The following EPHA3 variants were observed in gnomAD, a reference collection of about 807,000 sequenced individuals.
The protein encoded by EPHA3 is ephrin type-A receptor 3.
EPHA3 carries 42 observed loss-of-function variants against 107.1 expected under a neutral mutation model. That is an observed-to-expected ratio of 0.39 (90% CI 0.31 to 0.51). The LOEUF (loss-of-function observed/expected upper bound fraction) is 0.51, where lower values mean the gene tolerates loss of function less well. EPHA3 is among the 20% of genes least tolerant of loss of function. EPHA3 has a pLI of 0.78. For missense variants in EPHA3, 1,183 were observed against 1,211.2 expected (o/e 0.98, Z 0.35); for synonymous variants, 461 against 424.8 (o/e 1.09, Z -1.05).
At chr3:89,356,664 A>G (rs1262746745) in intron 5 of EPHA3, among the ~76,000 whole-genome samples, 2 of 151,180 alleles carry the variant, frequency 1.3e-5, no homozygotes, top group Non-Finnish European at 3.0e-5. Flanking sequence ...CGTTGCACAC[A>G]TATACATATG....
chr3:89,353,240 A>C (rs1707869828), intron 5 of EPHA3, among the ~76,000 whole-genome samples: 1 of 151,250 alleles, frequency 6.6e-6, no homozygotes. Context: ...TACTCCTTGG[A>C]AGTAAATTAA....
At chr3:89,251,974 G>A (rs1414870357) in intron 3 of EPHA3, among the ~76,000 whole-genome samples, 2 of 152,002 alleles carry the variant, frequency 1.3e-5, no homozygotes, top group African/African-American at 4.8e-5. Context: ...AACAAGCATG[G>A]ATAAAAGTAA....
chr3:89,363,594 C>A (rs1288031398), intron 5 of EPHA3, among the ~76,000 whole-genome samples: 3 of 150,736 alleles, frequency 2.0e-5, no homozygotes, highest in African/African-American at 4.8e-5. Flanking sequence ...ACAGTGACCC[C>A]AGACTGGTGT....
At chr3:89,401,774 A>AT (rs555810324) in intron 7 of EPHA3, among the ~76,000 whole-genome samples, 42 of 151,792 alleles carry the variant, frequency 2.8e-4, no homozygotes, top group Non-Finnish European at 3.8e-4. Flanking sequence ...CGTCTGGCTA[A>AT]TTTTTTTTGT....
At chr3:89,121,873 A>G (rs892156738) in intron 1 of EPHA3, among the ~76,000 whole-genome samples, 4 of 152,226 alleles carry the variant, frequency 2.6e-5, no homozygotes, top group Non-Finnish European at 5.9e-5. Context: ...GTTGCAATAT[A>G]TAAGTACATC....
Position 89,388,584 on chromosome 3 carries a change from A to G in EPHA3, c.1307-7253A>G, listed in dbSNP as rs147699509. Among the ~76,000 whole-genome samples, 9 of 152,302 alleles carry G rather than the reference A, an allele frequency of 5.9e-5. No individual in the cohort carries two copies. In the East Asian group the frequency reaches 1.7e-3, roughly 29 times the overall value. ...GACAGGGAGTACAGCATACACAAACAACTGAAAAAAAGAATTGTCTTTAGA... is the reference window on the plus strand; with the variant it reads ...GACAGGGAGTACAGCATACACAAACGACTGAAAAAAAGAATTGTCTTTAGA... On this transcript the variant is annotated intron_variant, in intron 5 of 16. Transcript: ENST00000336596.
At chr3:89,204,608 A>ATGTGTGTGTGTGTGTGTGTGTG (rs71621535) in intron 2 of EPHA3, among the ~76,000 whole-genome samples, 1 of 148,658 alleles carries the variant, frequency 6.7e-6, no homozygotes, top group African/African-American at 2.5e-5. Flanking sequence ...CTGTGTGTAA[A>ATGTGTGTGTGTGTGTGTGTGTG]TGTGTGTGTG....
intron 5 of EPHA3, among the ~76,000 whole-genome samples, chr3:89,354,788 A>G (rs978598454): frequency 3.3e-5 from 5 of 151,240 alleles, no homozygotes; most frequent in Non-Finnish European, 7.4e-5. Context: ...CTATAAGTGA[A>G]TAAGTGTCTT....
At chr3:89,406,236 T>C (rs1356529184) in intron 7 of EPHA3, among the ~76,000 whole-genome samples, 3 of 152,146 alleles carry the variant, frequency 2.0e-5, no homozygotes, top group Non-Finnish European at 2.9e-5. Context: ...CTCAAAATGT[T>C]GTGGTCTGGA....
intron 5 of EPHA3, among the ~76,000 whole-genome samples, chr3:89,373,005 C>T (rs1467075341): frequency 6.6e-6 from 1 of 151,700 alleles, no homozygotes; most frequent in Non-Finnish European, 1.5e-5. Context: ...AATATTTTAT[C>T]AGTTTTCTTT....
intron 5 of EPHA3, among the ~76,000 whole-genome samples, chr3:89,343,180 A>G (rs1263346931): frequency 6.6e-6 from 1 of 152,202 alleles, no homozygotes; most frequent in Admixed American, 6.5e-5. Context: ...TAGGTCTTCT[A>G]GTAGCCAAAT....
chr3:89,394,353 A>T (rs571533855), intron 5 of EPHA3, among the ~76,000 whole-genome samples: 2 of 152,338 alleles, frequency 1.3e-5, no homozygotes, highest in South Asian at 4.1e-4. Flanking sequence ...AGATCACATC[A>T]CTACACTCTA....
At chr3:89,192,460 T>C (rs2107143308) in intron 2 of EPHA3, among the ~76,000 whole-genome samples, 1 of 152,022 alleles carries the variant, frequency 6.6e-6, no homozygotes, top group Non-Finnish European at 1.5e-5. Context: ...ATATACTATA[T>C]ATACTACATA....
In EPHA3 at chr3:89,341,020, G is replaced by A. The variant is rs148593404; in HGVS notation, c.919G>A (p.Glu307Lys). 3.8e-5 allele frequency: 61 copies of A among 1,614,034 alleles called. No individual in the cohort carries two copies. Among genetic ancestry groups the A allele is most frequent in the Middle Eastern group, 1.6e-4 (1 of 6,084 alleles). The change falls in exon 4 of 17, where the codon GAG (glutamate) becomes AAG (lysine). Residue 307 changes from glutamate to lysine, a missense_variant. Transcript: ENST00000336596. Reference sequence around the variant, plus strand: ...AGATGGTTCAATGAACTGCAGGTGTGAGAATAATTACTTCCGGGCAGACAA... The same window carrying A: ...AGATGGTTCAATGAACTGCAGGTGTAAGAATAATTACTTCCGGGCAGACAA... ...QEDGSMNCRC[E>K]NNYFRADKDP...
rs2107555046 is a variant in EPHA3 at position 89,450,239 on chromosome 3, G to A, written c.2559G>A (p.Leu853=). 1 of 1,613,856 alleles carries A rather than the reference G, an allele frequency of 6.2e-7. No individual in the cohort carries two copies. The highest frequency in any genetic ancestry group is 8.5e-7 in the Non-Finnish European group (1 of 1,179,872). The change falls in exon 15 of 17, where the codon TTG becomes TTA. Residue 853 remains leucine (L), a synonymous_variant. Transcript: ENST00000336596. Reference sequence around the variant, plus strand: ...CCCCCATGGACTGCCCAGCTGCCTTGTATCAGCTGATGCTGGACTGCTGGC... The same window carrying A: ...CCCCCATGGACTGCCCAGCTGCCTTATATCAGCTGATGCTGGACTGCTGGC... ...LPPPMDCPAA[L]YQLMLDCWQK...
chr3:89,274,291 G>T (rs1361047395), intron 3 of EPHA3, among the ~76,000 whole-genome samples: 1 of 151,788 alleles, frequency 6.6e-6, no homozygotes, highest in South Asian at 2.1e-4. Flanking sequence ...TCATTTTAAA[G>T]ATTCAAAAAA....
intron 2 of EPHA3, among the ~76,000 whole-genome samples, chr3:89,173,742 A>T (rs1352923097): frequency 6.6e-6 from 1 of 151,902 alleles, no homozygotes; most frequent in East Asian, 1.9e-4. Context: ...AGTCAGGCTG[A>T]CTCTAAAATA....
At chr3:89,473,642 T>A (rs1710450459) in intron 16 of EPHA3, among the ~76,000 whole-genome samples, 1 of 152,162 alleles carries the variant, frequency 6.6e-6, no homozygotes, top group African/African-American at 2.4e-5. Context: ...TATAGTGCCA[T>A]TCAACTGACC....
intron 3 of EPHA3, among the ~76,000 whole-genome samples, chr3:89,267,891 G>T (rs777648324): frequency 6.6e-6 from 1 of 152,088 alleles, no homozygotes; most frequent in African/African-American, 2.4e-5. Flanking sequence ...TAAACTGACA[G>T]GATAACATTT....
Sources: gnomAD v4.1 joint callset for allele counts (sites outside exome capture counted in the v4.1 genomes callset) on GRCh38, gnomAD v4.1.1 for gene constraint, MANE v1.5 for transcripts, NCBI Gene and HGNC (gene_info 2026-07-23, HGNC 2026-07-21) for gene names.